The following SUPT3H variants were observed in gnomAD, a reference collection of about 807,000 sequenced individuals.
The protein encoded by SUPT3H is SPT3 homolog, SAGA and STAGA complex component.
A neutral mutation model predicts 44.3 loss-of-function variants in SUPT3H; 44 were observed. That is an observed-to-expected ratio of 0.99 (90% confidence interval 0.78 to 1.28). The LOEUF is 1.28. Among genes scored for constraint, SUPT3H ranks in the 50% most tolerant of loss-of-function variants. The pLI is 0.00. For synonymous variants in SUPT3H, 124 were observed against 125.6 expected (o/e 0.99, Z 0.09); for missense variants, 380 against 387.1 (o/e 0.98, Z 0.15).
At chr6:44,834,114 A>T (rs491548) in intron 10 of SUPT3H, among the ~76,000 whole-genome samples, 149,929 of 152,228 alleles carry the variant, frequency 0.98, 73,886 homozygotes, top group East Asian at 1. Context: ...CTGAGTGGAG[A>T]TTAGGCTTTG....
At chr6:45,266,043 C>A (rs1023990037) in intron 2 of SUPT3H, among the ~76,000 whole-genome samples, 1 of 151,964 alleles carries the variant, frequency 6.6e-6, no homozygotes, top group African/African-American at 2.4e-5. Flanking sequence ...AGTACCACCA[C>A]GATTTTTTAT....
At chr6:45,269,479 T>TA (rs1422880845) in intron 2 of SUPT3H, among the ~76,000 whole-genome samples, 10 of 152,310 alleles carry the variant, frequency 6.6e-5, no homozygotes, top group African/African-American at 2.4e-4. Context: ...GAGAGTCTAC[T>TA]AAGCTCTGAG....
chr6:45,276,718 T>A (rs559025222), intron 2 of SUPT3H, among the ~76,000 whole-genome samples: 1 of 152,332 alleles, frequency 6.6e-6, no homozygotes, highest in African/African-American at 2.4e-5. Flanking sequence ...CACCTGCTAC[T>A]TGATGAGAGA....
intron 10 of SUPT3H, chr6:44,899,379 A>T (rs970020866): frequency 2.0e-5 from 3 of 152,126 alleles, no homozygotes; most frequent in Non-Finnish European, 4.4e-5. Flanking sequence ...AAATTTAAGG[A>T]AATTTGTGCC....
At chr6:45,178,055 A>C (rs1385732455) in intron 2 of SUPT3H, among the ~76,000 whole-genome samples, 2 of 152,152 alleles carry the variant, frequency 1.3e-5, no homozygotes, top group East Asian at 1.9e-4. Flanking sequence ...ACAGGATCAA[A>C]TTCACACATA....
rs184262518 is a variant in SUPT3H at position 44,888,014 on chromosome 6, T to C, written c.912+44639A>G. Among the ~76,000 whole-genome samples the C allele has an allele frequency of 4.8e-3, 725 of 151,686 alleles. 8 individuals carry two copies. Among genetic ancestry groups the C allele is most frequent in the Non-Finnish European group, 5.4e-3 (364 of 67,862 alleles). On this transcript the variant is annotated intron_variant, in intron 10 of 10. Coordinates refer to ENST00000371459, the MANE Select transcript of SUPT3H (RefSeq NM_003599.4). ...ACCTCTACACAAATAAACTAGAAAA[T>C]CTAGAATGGATAAATTCCTGGACAC... is the stretch of plus-strand genomic sequence containing the variant.
intron 3 of SUPT3H, among the ~76,000 whole-genome samples, chr6:45,030,288 A>G (rs539270929): frequency 1.3e-5 from 2 of 152,266 alleles, no homozygotes; most frequent in South Asian, 4.1e-4. Flanking sequence ...TCAGAACCAT[A>G]AGATATTTTG....
intron 2 of SUPT3H, among the ~76,000 whole-genome samples, chr6:45,295,536 A>AC (rs1731587462): frequency 2.1e-5 from 3 of 145,942 alleles, no homozygotes; most frequent in Admixed American, 1.4e-4. Flanking sequence ...AAAAAAAAAA[A>AC]AAAAAAAAAA....
intron 8 of SUPT3H, among the ~76,000 whole-genome samples, chr6:44,953,648 G>A (rs972612788): frequency 6.6e-6 from 1 of 152,094 alleles, no homozygotes; most frequent in African/African-American, 2.4e-5. Context: ...AGTCACTAGT[G>A]CAAATTTCTG....
intron 10 of SUPT3H, among the ~76,000 whole-genome samples, chr6:44,924,890 T>G (rs1769285942): frequency 6.6e-6 from 1 of 152,142 alleles, no homozygotes; most frequent in African/African-American, 2.4e-5. Flanking sequence ...AATTTCTACT[T>G]GGTATTTACA....
At chr6:45,131,785 A>G (rs1803507073) in intron 2 of SUPT3H, among the ~76,000 whole-genome samples, 1 of 152,202 alleles carries the variant, frequency 6.6e-6, no homozygotes, top group African/African-American at 2.4e-5. Flanking sequence ...AAACAGGTGA[A>G]TTATAGCTTA....
chr6:44,870,269 C>T (rs1244061943), intron 10 of SUPT3H, among the ~76,000 whole-genome samples: 1 of 152,052 alleles, frequency 6.6e-6, no homozygotes, highest in East Asian at 1.9e-4. Context: ...AAATGATGAT[C>T]AAAAAGAGTT....
rs138680762 is a variant in SUPT3H, at chr6:45,081,669, A to C, written c.186+24253T>G. On this transcript the variant is annotated intron_variant, in intron 3 of 10. Transcript: ENST00000371459. ...TAACTCTACGTCTTATATATACACTATAATTGTGGAAACAGGATTTTCTAT... is the reference window on the plus strand; with the variant it reads ...TAACTCTACGTCTTATATATACACTCTAATTGTGGAAACAGGATTTTCTAT... Among the ~76,000 whole-genome samples the C allele has an allele frequency of 7.6e-3, 1,151 of 152,274 alleles. 20 individuals are homozygous for C. The highest frequency in any genetic ancestry group is 0.026 in the African/African-American group (1,091 of 41,562).
intron 10 of SUPT3H, among the ~76,000 whole-genome samples, chr6:44,834,304 T>C (rs1423603638): frequency 6.6e-6 from 1 of 152,186 alleles, no homozygotes. Flanking sequence ...TGGCATTTAG[T>C]AAATTTAACA....
At chr6:45,018,273 A>G (rs2153516311) in intron 4 of SUPT3H, among the ~76,000 whole-genome samples, 1 of 152,274 alleles carries the variant, frequency 6.6e-6, no homozygotes, top group South Asian at 2.1e-4. Flanking sequence ...TTCTAGATAT[A>G]TAATCATGTC....
At chr6:45,353,307 C>A (rs972274244) in intron 2 of SUPT3H, among the ~76,000 whole-genome samples, 2 of 151,796 alleles carry the variant, frequency 1.3e-5, no homozygotes, top group African/African-American at 4.8e-5. Context: ...AAAAATTCAT[C>A]TGGAAAAATA....
rs757429000 is a variant in SUPT3H at position 44,954,483 on chromosome 6, T to A, written c.693+12A>T. 3.8e-6 allele frequency: 6 copies of A among 1,594,848 alleles called. No homozygotes were observed. The East Asian group carries it at 8.9e-5, about 24-fold the overall frequency. Reference sequence around the variant, plus strand: ...GCCAGTGTGGCCCGATATGACAGATTAGAATTCTTACCTGTGCCACAGTTT... The same window carrying A: ...GCCAGTGTGGCCCGATATGACAGATAAGAATTCTTACCTGTGCCACAGTTT... On this transcript the variant is annotated intron_variant, in intron 8 of 10. Coordinates refer to ENST00000371459, the MANE Select transcript of SUPT3H (RefSeq NM_003599.4).
chr6:45,018,251 G>T (rs1784596965), intron 4 of SUPT3H, among the ~76,000 whole-genome samples: 1 of 152,166 alleles, frequency 6.6e-6, no homozygotes, highest in Non-Finnish European at 1.5e-5. Flanking sequence ...TTTGGGCTGA[G>T]ACGATGGGGT....
At chr6:45,146,241 C>T (rs1397511994) in intron 2 of SUPT3H, among the ~76,000 whole-genome samples, 2 of 152,080 alleles carry the variant, frequency 1.3e-5, no homozygotes, top group Non-Finnish European at 1.5e-5. Flanking sequence ...GCACGATTCG[C>T]AACTGCAAAA....
Sources: allele counts gnomAD v4.1 joint callset (sites outside exome capture counted in the v4.1 genomes callset), GRCh38; gene constraint gnomAD v4.1.1; transcripts MANE v1.5; gene names NCBI Gene and HGNC (gene_info 2026-07-23, HGNC 2026-07-21).